The following EPG5 variants were observed in gnomAD, a reference collection of about 807,000 sequenced individuals.
EPG5 encodes the protein ectopic P-granules 5 autophagy tethering factor.
Under a neutral mutation model 302.7 loss-of-function variants are expected in EPG5, and 159 were observed. The ratio of observed to expected loss-of-function variants is 0.53; its 90% CI spans 0.46 to 0.60. The LOEUF is 0.60. Ranked by LOEUF, EPG5 falls within the 20% of genes least tolerant of loss-of-function variation. The pLI is 0.00. For synonymous variants in EPG5, 1,158 were observed against 1,136.8 expected (o/e 1.02, Z -0.37); for missense variants, 2,896 against 3,092.4 (o/e 0.94, Z 1.51).
intron 1 of EPG5, among the ~76,000 whole-genome samples, chr18:45,956,030 T>C (rs1351013479): frequency 1.3e-5 from 2 of 152,204 alleles, no homozygotes; most frequent in African/African-American, 4.8e-5. Context: ...AAACAGAGTA[T>C]CTGCATAGTC....
chr18:45,800,838 G>C, the EPG5 span, among the ~76,000 whole-genome samples: 3 of 152,148 alleles, frequency 2.0e-5, no homozygotes, highest in African/African-American at 7.2e-5. Context: ...AGAAAGTTCA[G>C]ACTCCAGCAC....
intron 10 of EPG5, among the ~76,000 whole-genome samples, chr18:45,939,242 T>C (rs999883657): frequency 1.3e-5 from 2 of 152,206 alleles, no homozygotes; most frequent in Admixed American, 1.3e-4. Flanking sequence ...TTGCACCACA[T>C]GCTGCACACC....
chr18:45,880,089 A>G lies in EPG5; in HGVS notation c.5653T>C (p.Leu1885=), dbSNP rs114131140. 877 of 1,597,084 alleles carry G rather than the reference A, an allele frequency of 5.5e-4. 6 individuals are homozygous for G. In the African/African-American group the frequency reaches 0.011, roughly 20 times the overall value. ...AVLPSSSDAL[L]SDKQVMETIQ... is the part of the protein sequence containing the mutation. Reference sequence around the variant, plus strand: ...AGGCTACACACCTGCTTGTCTGACAAGAGAGCATCAGAAGAGCTGGGAAGC... The same window carrying G: ...AGGCTACACACCTGCTTGTCTGACAGGAGAGCATCAGAAGAGCTGGGAAGC... Residue 1885 remains leucine (L), a synonymous_variant, in exon 32 of 44, where the codon TTG becomes CTG. Transcript: ENST00000282041.
In EPG5 at chr18:45,917,672, C is replaced by T. The variant is rs769733867; in HGVS notation, c.3239+7G>A. ...AGTGTCTCCTGCCATAGATGGAACA[C>T]ACTTACTGCTCATTCTTCAGAAGGT... On this transcript the variant is annotated splice_region_variant and intron_variant, in intron 17 of 43. Coordinates refer to ENST00000282041, the MANE Select transcript of EPG5 (RefSeq NM_020964.3). The T allele has an allele frequency of 3.7e-6, 6 of 1,613,912 alleles. No individual in the cohort carries two copies. In the South Asian group the frequency reaches 4.4e-5, roughly 12 times the overall value.
At chr18:45,895,148 G>C (rs2049442304) in intron 27 of EPG5, among the ~76,000 whole-genome samples, 1 of 152,172 alleles carries the variant, frequency 6.6e-6, no homozygotes, top group Admixed American at 6.5e-5. Context: ...GAATGAAGTA[G>C]GGTAGGGTAA....
the EPG5 span, chr18:45,840,297 C>T: frequency 1.3e-6 from 2 of 1,557,354 alleles, no homozygotes; most frequent in Non-Finnish European, 1.7e-6. Flanking sequence ...GTCCTCATCA[C>T]CCAGGGGGTC....
Position 45,852,355 on chromosome 18 carries a change from A to T in EPG5, c.*112T>A. ...CTCCCAACTTGCATCTCAGTCAACT[A>T]CACATTGGCCAAACTGAGCTCTACA... On this transcript the variant is annotated 3_prime_UTR_variant, in exon 44 of 44. Transcript: ENST00000282041. 1 of 937,330 alleles carries T rather than the reference A, an allele frequency of 1.1e-6. No homozygotes were observed. Among genetic ancestry groups the T allele is most frequent in the Non-Finnish European group, 1.6e-6 (1 of 626,670 alleles). The allele number at this position is 937,330 out of a possible 1,614,324, so 58.1% of individuals were successfully genotyped here. A position where few individuals can be genotyped will look rare whatever the true frequency, so the allele number is the denominator to read the frequency against.
intron 19 of EPG5, 134 bp downstream of exon 19, chr18:45,915,875 G>A (rs753641091): frequency 9.8e-5 from 84 of 860,044 alleles, no homozygotes; most frequent in Non-Finnish European, 1.5e-4. Flanking sequence ...TCGGGATAAG[G>A]TACCATTAAG....
chr18:45,855,389 G>T, intron 43 of EPG5, 184 bp downstream of exon 43: 1 of 541,972 alleles, frequency 1.8e-6, no homozygotes, highest in Non-Finnish European at 3.3e-6. Context: ...CTAGACAACT[G>T]CCTACAAAAA....
At chr18:45,960,580 C>A (rs1298357214) in intron 1 of EPG5, among the ~76,000 whole-genome samples, 1 of 151,918 alleles carries the variant, frequency 6.6e-6, no homozygotes, top group East Asian at 1.9e-4. Context: ...GTAAATTTTA[C>A]AAAAAGAGTT....
intron 11 of EPG5, among the ~76,000 whole-genome samples, chr18:45,933,877 G>A (rs7231317): frequency 0.35 from 53,455 of 151,732 alleles, 12,549 homozygotes; most frequent in African/African-American, 0.65. Context: ...TTTTTTTTTA[G>A]TCTTGTATTT....
intron 1 of EPG5, among the ~76,000 whole-genome samples, chr18:45,959,186 AC>A (rs2051093741): frequency 6.6e-6 from 1 of 152,210 alleles, no homozygotes; most frequent in Non-Finnish European, 1.5e-5. Flanking sequence ...TTGGGCAGTT[AC>A]AAAATTAGCC....
Position 45,884,697 on chromosome 18 carries a change from C to T in EPG5, c.5224G>A (p.Glu1742Lys). ...ACTTGCTCATACAGCTGTATGAACTCTGCAGGTGCAGCATTGGGAGTGAAG... is the reference window on the plus strand; with the variant it reads ...ACTTGCTCATACAGCTGTATGAACTTTGCAGGTGCAGCATTGGGAGTGAAG... ...PFFTPNAAPA[E>K]FIQLYEQVVK... Residue 1742 changes from glutamate (E) to lysine (K), a missense_variant, in exon 30 of 44, where the codon GAG becomes AAG. This residue lies in a region of EPG5 where 790 missense variants were observed against 798.0 expected (regional missense o/e 0.99). Coordinates refer to ENST00000282041, the MANE Select transcript of EPG5 (RefSeq NM_020964.3). 1 of 1,611,914 alleles carries T rather than the reference C, an allele frequency of 6.2e-7. No homozygotes were observed. The highest frequency in any genetic ancestry group is 8.5e-7 in the Non-Finnish European group (1 of 1,179,188).
the EPG5 span, among the ~76,000 whole-genome samples, chr18:45,819,725 C>G: frequency 7.2e-5 from 11 of 152,148 alleles, no homozygotes; most frequent in Non-Finnish European, 1.6e-4. Context: ...TCACAGGTAT[C>G]TATTTTCCAC....
intron 27 of EPG5, among the ~76,000 whole-genome samples, chr18:45,896,349 G>A (rs1270330099): frequency 1.3e-5 from 2 of 152,312 alleles, no homozygotes; most frequent in East Asian, 3.9e-4. Context: ...TAAAAGTCAG[G>A]GCACTAAGCA....
chr18:45,827,881 G>C, the EPG5 span, among the ~76,000 whole-genome samples: 3 of 152,226 alleles, frequency 2.0e-5, no homozygotes, highest in Non-Finnish European at 1.5e-5. Flanking sequence ...GGGCTGTGGA[G>C]TCACATGTTC....
intron 3 of EPG5, among the ~76,000 whole-genome samples, chr18:45,951,516 T>C (rs2156240): frequency 2.0e-5 from 3 of 151,922 alleles, no homozygotes; most frequent in Non-Finnish European, 4.4e-5. Flanking sequence ...TGGAATGCAG[T>C]GGCGCAATCT....
chr18:45,812,101 C>A, the EPG5 span, among the ~76,000 whole-genome samples: 1 of 152,152 alleles, frequency 6.6e-6, no homozygotes, highest in South Asian at 2.1e-4. Context: ...GCAAAAATCA[C>A]AAGCATTCTT....
chr18:45,867,713 A>G lies in EPG5; in HGVS notation c.6261T>C (p.Phe2087=). 6.2e-7 allele frequency: 1 copy of G among 1,608,836 alleles called. No individual in the cohort carries two copies. The highest frequency in any genetic ancestry group is 1.1e-5 in the South Asian group (1 of 90,334). The change falls in exon 37 of 44, where the codon TTT becomes TTC. Residue 2087 remains phenylalanine, a synonymous_variant. Coordinates refer to ENST00000282041, the MANE Select transcript of EPG5 (RefSeq NM_020964.3). ...TGACTTCACAGAGTACAGACCCCAA[A>G]AATAAGAAACAGCTCTTGGGGCTTC... ...ERGSPKSCFL[F]LGSVLCEVNW... is the part of the protein sequence containing the mutation.
Sources: allele counts gnomAD v4.1 joint callset (sites outside exome capture counted in the v4.1 genomes callset), GRCh38; gene constraint gnomAD v4.1.1; regional missense constraint gnomAD v4.1.1; transcripts MANE v1.5; gene names NCBI Gene and HGNC (gene_info 2026-07-23, HGNC 2026-07-21).